CRADD: variants seen among roughly 807,000 people sequenced by gnomAD.
The protein encoded by CRADD is death domain-containing protein CRADD.
Under a neutral mutation model 15.5 loss-of-function variants are expected in CRADD, and 9 were observed. That is an observed-to-expected ratio of 0.58 (90% CI 0.35 to 1.01). The LOEUF (loss-of-function observed/expected upper bound fraction) is 1.01. CRADD is among the 50% of genes least tolerant of loss of function. The probability of loss-of-function intolerance (pLI) is 0.02; values close to 1 mark genes in which losing one functional copy is unlikely to be tolerated. For missense variants in CRADD, 227 were observed against 250.3 expected, an observed-to-expected ratio of 0.91 and a Z score of 0.63; for synonymous variants, 118 against 107.6, an observed-to-expected ratio of 1.10 and a Z score of -0.60.
At position 93,738,097 on chromosome 12, in the gene CRADD, A is replaced by G. The variant is rs1353207679; in HGVS notation, c.298+59025A>G. On this transcript the variant is annotated intron_variant, in intron 2 of 2. Transcript: ENST00000332896. ...TTTACTGTAAGTGTTGAATTGAGCTAGGAGGATCACATGGCCCATTTTGCA... is the reference window on the plus strand; with the variant it reads ...TTTACTGTAAGTGTTGAATTGAGCTGGGAGGATCACATGGCCCATTTTGCA... The G allele has an allele frequency of 5.3e-6, 3 of 570,378 alleles. No homozygotes were observed. The East Asian group carries it at 8.6e-5, about 16-fold the overall frequency. 35.3% of individuals were successfully genotyped at this position (570,378 alleles called of 1,614,324 possible).
intron 2 of CRADD, among the ~76,000 whole-genome samples, chr12:93,889,707 C>T (rs796701925): frequency 2.6e-4 from 40 of 152,118 alleles, no homozygotes; most frequent in African/African-American, 9.4e-4. Flanking sequence ...GAGGTGATGC[C>T]GTAACATAAA....
chr12:93,758,219 A>G (rs1956912595), intron 2 of CRADD, among the ~76,000 whole-genome samples: 1 of 152,224 alleles, frequency 6.6e-6, no homozygotes, highest in Non-Finnish European at 1.5e-5. Flanking sequence ...GAAGTAATGC[A>G]GATGTTTTGA....
At chr12:93,890,559 G>T (rs1958569153) in intron 2 of CRADD, among the ~76,000 whole-genome samples, 1 of 151,610 alleles carries the variant, frequency 6.6e-6, no homozygotes, top group Non-Finnish European at 1.5e-5. Context: ...GAGGGGAAGG[G>T]CAGGAGCCCA....
intron 2 of CRADD, among the ~76,000 whole-genome samples, chr12:93,813,261 A>C (rs1371812681): frequency 6.6e-6 from 1 of 152,214 alleles, no homozygotes; most frequent in East Asian, 1.9e-4. Context: ...ATCCAAATTC[A>C]AAAAAACTGG....
intron 2 of CRADD, among the ~76,000 whole-genome samples, chr12:93,754,351 C>T (rs929170231): frequency 1.6e-4 from 25 of 152,242 alleles, no homozygotes; most frequent in Admixed American, 1.4e-3. Flanking sequence ...ACATTTTCCC[C>T]ATTGTCTTGG....
intron 2 of CRADD, among the ~76,000 whole-genome samples, chr12:93,693,691 G>T (rs1232953270): frequency 1.3e-5 from 2 of 151,850 alleles, no homozygotes; most frequent in Non-Finnish European, 2.9e-5. Context: ...AGGTTACCCA[G>T]ATAAAAAAAG....
chr12:93,851,825 A>T (rs556137696), downstream of CRADD, among the ~76,000 whole-genome samples: 2 of 152,170 alleles, frequency 1.3e-5, no homozygotes. Context: ...CATGTTTTTT[A>T]TTTCTCTCCA....
intron 2 of CRADD, among the ~76,000 whole-genome samples, chr12:93,788,720 A>G (rs1398552168): frequency 6.6e-6 from 1 of 152,168 alleles, no homozygotes; most frequent in Non-Finnish European, 1.5e-5. Context: ...TCAAAAGACA[A>G]ACTTTCCAGC....
rs1958201322 is a variant in CRADD, at chr12:93,850,264, T to G, written c.593T>G (p.Leu198Trp). The G allele has an allele frequency of 1.9e-6, 3 of 1,590,908 alleles. No homozygotes were observed. The highest frequency in any genetic ancestry group is 1.4e-5 in the African/African-American group (1 of 73,994). ...GACCCCTCGCTGCTCCTGCACATGT[T>G]GGAGTGATGGTGCCTCCAGCAACCG... ...EVDPSLLLHM[L>W]E The change falls in exon 3 of 3, where the codon TTG becomes TGG. Residue 198 changes from leucine (L) to tryptophan (W), a missense_variant. Transcript: ENST00000332896. The surrounding 1 kb of genome is among the most constrained non-coding windows in gnomAD (Gnocchi z 4.0).
chr12:93,867,892 A>C (rs1210182675), intron 2 of CRADD, among the ~76,000 whole-genome samples: 2 of 152,218 alleles, frequency 1.3e-5, no homozygotes, highest in African/African-American at 4.8e-5. Flanking sequence ...TTAGGAAATT[A>C]GAAAGAGAAA....
At position 93,728,183 on chromosome 12, in the gene CRADD, C is replaced by T. The variant is rs1207934489; in HGVS notation, c.298+49111C>T. Among the ~76,000 whole-genome samples, 3 of 152,164 alleles carry T rather than the reference C, an allele frequency of 2.0e-5. No individual in the cohort carries two copies. In the East Asian group the frequency reaches 5.8e-4, roughly 29 times the overall value. Reference sequence around the variant, plus strand: ...TCTTCCACAAGGCATTCTACCCTTCCACGGAAACAATTATAGCAGCATGGA... The same window carrying T: ...TCTTCCACAAGGCATTCTACCCTTCTACGGAAACAATTATAGCAGCATGGA... On this transcript the variant is annotated intron_variant, in intron 2 of 2. Coordinates refer to ENST00000332896, the MANE Select transcript of CRADD (RefSeq NM_003805.5).
intron 2 of CRADD, among the ~76,000 whole-genome samples, chr12:93,838,465 CGT>C (rs769947500): frequency 6.6e-6 from 1 of 151,814 alleles, no homozygotes; most frequent in Non-Finnish European, 1.5e-5. Context: ...CCAGGGGTAC[CGT>C]GAGACAGCTG....
At chr12:93,856,966 T>C (rs1242901756) in intron 2 of CRADD, among the ~76,000 whole-genome samples, 1 of 152,248 alleles carries the variant, frequency 6.6e-6, no homozygotes, top group African/African-American at 2.4e-5. Flanking sequence ...GATGTCTATC[T>C]TGTTGGCATT....
chr12:93,772,645 G>A (rs1237160745), intron 2 of CRADD, among the ~76,000 whole-genome samples: 2 of 152,180 alleles, frequency 1.3e-5, no homozygotes, highest in Non-Finnish European at 2.9e-5. Flanking sequence ...AATTAAAATA[G>A]TATAGTCATC....
chr12:93,788,351 A>G (rs1199974524), intron 2 of CRADD, among the ~76,000 whole-genome samples: 1 of 152,130 alleles, frequency 6.6e-6, no homozygotes, highest in African/African-American at 2.4e-5. Context: ...AACCATCCTC[A>G]TGATTCAGTT....
At chr12:93,894,258 G>GTT in exon 3 of CRADD, 1 of 459,862 alleles carries the variant, frequency 2.2e-6, no homozygotes. Flanking sequence ...ACAATTCTGT[G>GTT]TATGTGTGTG....
chr12:93,858,381 A>G (rs1379248057), intron 2 of CRADD, among the ~76,000 whole-genome samples: 1 of 152,212 alleles, frequency 6.6e-6, no homozygotes, highest in African/African-American at 2.4e-5. Context: ...GAGTATGCAA[A>G]GCCTGTGTGG....
chr12:93,863,596 T>TTTG (rs1444257644), intron 2 of CRADD, among the ~76,000 whole-genome samples: 2,187 of 124,846 alleles, frequency 0.018, 35 homozygotes, highest in Admixed American at 0.043. Context: ...GTGGAGGCAT[T>TTTG]TGTGTGTGTG....
chr12:93,788,148 G>A (rs1021794832), intron 2 of CRADD, among the ~76,000 whole-genome samples: 11 of 152,154 alleles, frequency 7.2e-5, no homozygotes, highest in African/African-American at 2.7e-4. Flanking sequence ...CCAACACTGG[G>A]TAATTTCTAA....
Sources: gnomAD v4.1 joint callset for allele counts (sites outside exome capture counted in the v4.1 genomes callset) on GRCh38, gnomAD v4.1.1 for gene constraint, Gnocchi (gnomAD v3.1) non-coding constraint, MANE v1.5 for transcripts, NCBI Gene and HGNC (gene_info 2026-07-23, HGNC 2026-07-21) for gene names.